The following SMAD6 variants were observed in gnomAD, a reference collection of about 807,000 sequenced individuals.
SMAD6 encodes MAD homolog 6.
In SMAD6, 103 loss-of-function variants were observed where a neutral mutation model predicts 39.4. The ratio of observed to expected loss-of-function variants is 2.62; its 90% CI spans 2.23 to 3.08. The LOEUF (loss-of-function observed/expected upper bound fraction) is 3.08. SMAD6 is among the 30% of genes most tolerant of loss of function. SMAD6 has a pLI of 0.00. For synonymous variants in SMAD6, 445 were observed against 353.3 expected, an observed-to-expected ratio of 1.26 and a Z score of -2.91; for missense variants, 1,104 against 742.9, an observed-to-expected ratio of 1.49 and a Z score of -5.65.
At chr15:66,721,793 A>G (rs1167225232) in intron 3 of SMAD6, among the ~76,000 whole-genome samples, 6 of 152,236 alleles carry the variant, frequency 3.9e-5, no homozygotes, top group East Asian at 3.8e-4. Flanking sequence ...TCTGCCCTCA[A>G]GGTATTCACA....
At chr15:66,739,444 G>A (rs980850859) in intron 3 of SMAD6, among the ~76,000 whole-genome samples, 1 of 152,200 alleles carries the variant, frequency 6.6e-6, no homozygotes, top group Non-Finnish European at 1.5e-5. Context: ...CATGGAGCAC[G>A]GGTGGGCAGG....
At chr15:66,780,152 T>G (rs1284433617) in intron 3 of SMAD6, among the ~76,000 whole-genome samples, 1 of 152,232 alleles carries the variant, frequency 6.6e-6, no homozygotes, top group East Asian at 1.9e-4. Flanking sequence ...GGAGCCATTT[T>G]CTTTGTCATT....
intron 3 of SMAD6, among the ~76,000 whole-genome samples, chr15:66,739,944 T>C (rs1595780727): frequency 2.6e-5 from 4 of 152,242 alleles, no homozygotes; most frequent in African/African-American, 9.6e-5. Context: ...CTGGCTGTTA[T>C]GTTAAAAAAT....
intron 3 of SMAD6, among the ~76,000 whole-genome samples, chr15:66,761,110 G>C (rs1417781925): frequency 6.6e-6 from 1 of 152,182 alleles, no homozygotes; most frequent in African/African-American, 2.4e-5. Flanking sequence ...CTGGAACTCA[G>C]ATGGGGCGTC....
At chr15:66,720,989 C>A (rs1264330145) in intron 3 of SMAD6, among the ~76,000 whole-genome samples, 1 of 152,180 alleles carries the variant, frequency 6.6e-6, no homozygotes, top group Non-Finnish European at 1.5e-5. Flanking sequence ...AAGGGAGCAA[C>A]AGTAGGCTAC....
intron 3 of SMAD6, among the ~76,000 whole-genome samples, chr15:66,776,594 C>G (rs1280315392): frequency 1.3e-5 from 2 of 152,206 alleles, no homozygotes; most frequent in Non-Finnish European, 2.9e-5. Flanking sequence ...CCTAGGTCTG[C>G]CACCTGCTGC....
rs767333780 is a variant in SMAD6 at position 66,716,960 on chromosome 15, G to T, written c.952+462G>T. On this transcript the variant is annotated intron_variant, in intron 3 of 3. Transcript: ENST00000288840. ...TGAATGAGCTTGCAGGGAGGATCTG[G>T]CAAGTGAGGAGTTTGGCAAAGCCAG... 9.3e-6 allele frequency: 12 copies of T among 1,287,090 alleles called. No individual in the cohort carries two copies. In the South Asian group the frequency reaches 1.5e-4, roughly 16 times the overall value. The allele number at this position is 1,287,090 out of a possible 1,614,324, so 79.7% of individuals were successfully genotyped here.
chr15:66,703,841 G>C lies in SMAD6; in HGVS notation c.583G>C (p.Val195Leu). 7.2e-7 allele frequency: 1 copy of C among 1,384,366 alleles called. No homozygotes were observed. The highest frequency in any genetic ancestry group is 9.5e-7 in the Non-Finnish European group (1 of 1,057,284). 85.8% of individuals were successfully genotyped at this position (1,384,366 alleles called of 1,614,324 possible). Residue 195 changes from valine (V) to leucine (L), a missense_variant, in exon 1 of 4, where the codon GTG (valine) becomes CTG (leucine). Transcript: ENST00000288840. ...CTCGCTGGACACGCTGCTGGAGGCG[G>C]TGGAGTCCCGCGGCGGCGTGCCGGG... The part of the protein sequence containing the change: ...ERSLDTLLEA[V>L]ESRGGVPGGC...
intron 3 of SMAD6, among the ~76,000 whole-genome samples, chr15:66,744,841 GA>G (rs1287417037): frequency 6.6e-6 from 1 of 152,294 alleles, no homozygotes; most frequent in East Asian, 1.9e-4. Flanking sequence ...AGTCTGGGCT[GA>G]TTTCCTGTCC....
chr15:66,762,619 T>C (rs1247430841), intron 3 of SMAD6, among the ~76,000 whole-genome samples: 2 of 152,036 alleles, frequency 1.3e-5, no homozygotes, highest in Non-Finnish European at 2.9e-5. Flanking sequence ...TTGGTGGGTC[T>C]TCACAAATAA....
In SMAD6 at chr15:66,711,665, C is replaced by G; in HGVS notation, c.818-3C>G. 6.2e-7 allele frequency: 1 copy of G among 1,613,588 alleles called. No homozygotes were observed. Among genetic ancestry groups the G allele is most frequent in the South Asian group, 1.1e-5 (1 of 91,068 alleles). ...CAGTGACATGCTGTCTCCTGTCTTC[C>G]AGAATCTCCGCCACCTCCCTACTCT... On this transcript the variant is annotated splice_region_variant and splice_polypyrimidine_tract_variant and intron_variant, in intron 1 of 3. Coordinates refer to ENST00000288840, the MANE Select transcript of SMAD6 (RefSeq NM_005585.5).
intron 3 of SMAD6, among the ~76,000 whole-genome samples, chr15:66,763,786 A>C (rs1254139213): frequency 1.3e-5 from 2 of 152,208 alleles, no homozygotes; most frequent in Non-Finnish European, 2.9e-5. Context: ...GAGGGGTTCC[A>C]CACAGGGGTG....
In SMAD6 at chr15:66,702,410, AC is replaced by A. The variant is rs1465004907; in HGVS notation, c.-847del. 4 of 120,168 alleles carry A rather than the reference AC, an allele frequency of 3.3e-5. No homozygotes were observed. The highest frequency in any genetic ancestry group is 1.3e-4 in the African/African-American group (4 of 31,776). 7.4% of individuals were successfully genotyped at this position (120,168 alleles called of 1,614,324 possible). A position where few individuals can be genotyped will look rare whatever the true frequency, so the allele number is the denominator to read the frequency against. ...CAGACCTCGCTGGGACCCCGGGGCCACCGGGAGGCACTTTTGTGGAGGGGGG... is the reference window on the plus strand; with the variant it reads ...CAGACCTCGCTGGGACCCCGGGGCCACGGGAGGCACTTTTGTGGAGGGGGG... On this transcript the variant is annotated 5_prime_UTR_variant, in exon 1 of 4. It removes the in-frame stop codon of an upstream open reading frame in the 5' UTR. Coordinates refer to ENST00000288840, the MANE Select transcript of SMAD6 (RefSeq NM_005585.5).
chr15:66,778,309 T>C (rs757527020), intron 3 of SMAD6, among the ~76,000 whole-genome samples: 5 of 152,188 alleles, frequency 3.3e-5, no homozygotes, highest in Non-Finnish European at 7.3e-5. Context: ...CTTAAACTCC[T>C]GAGCTCAAAT....
intron 1 of SMAD6, chr15:66,707,417 A>C (rs1242823115): frequency 6.6e-6 from 1 of 152,184 alleles, no homozygotes; most frequent in Non-Finnish European, 1.5e-5. Flanking sequence ...CCAGGCCAGG[A>C]CTATAGGAAT....
At chr15:66,729,488 G>T (rs1263477230) in intron 3 of SMAD6, among the ~76,000 whole-genome samples, 1 of 152,206 alleles carries the variant, frequency 6.6e-6, no homozygotes, top group Non-Finnish European at 1.5e-5. Context: ...TGGGAGTTGG[G>T]TCAAGATTGT....
intron 3 of SMAD6, among the ~76,000 whole-genome samples, chr15:66,757,141 C>T (rs1894114686): frequency 6.6e-6 from 1 of 152,172 alleles, no homozygotes. Flanking sequence ...GTCTCCCGTT[C>T]ATGCCATAAG....
At chr15:66,729,700 C>T (rs1893590899) in intron 3 of SMAD6, among the ~76,000 whole-genome samples, 1 of 152,174 alleles carries the variant, frequency 6.6e-6, no homozygotes, top group Non-Finnish European at 1.5e-5. Flanking sequence ...CCGCCCCCTC[C>T]CTTTCTTGGG....
At chr15:66,717,220 G>A in intron 3 of SMAD6, 1 of 1,017,278 alleles carries the variant, frequency 9.8e-7, no homozygotes, top group South Asian at 1.3e-5. Context: ...TGGCATGGTG[G>A]CCTGGTGGCA....
Sources: allele counts gnomAD v4.1 joint callset (sites outside exome capture counted in the v4.1 genomes callset), GRCh38; gene constraint gnomAD v4.1.1; transcripts MANE v1.5; gene names NCBI Gene and HGNC (gene_info 2026-07-23, HGNC 2026-07-21).